ERI1: variants seen among roughly 807,000 people sequenced by gnomAD.
ERI1 encodes 3'-5' exoribonuclease 1.
Under a neutral mutation model 39.7 loss-of-function variants are expected in ERI1, and 39 were observed. That is an observed-to-expected ratio of 0.98 (90% CI 0.76 to 1.28). The LOEUF (loss-of-function observed/expected upper bound fraction) is 1.28. ERI1 is among the 50% of genes most tolerant of loss of function. The pLI is 0.00. For missense variants in ERI1, 581 were observed against 416.9 expected (o/e 1.39, Z -3.43); for synonymous variants, 204 against 149.6 (o/e 1.36, Z -2.65).
chr8:9,050,353 C>T (rs1199990195), intron 3 of ERI1, among the ~76,000 whole-genome samples: 1 of 151,920 alleles, frequency 6.6e-6, no homozygotes, highest in Admixed American at 6.6e-5. Context: ...ACTAAAAATA[C>T]AAAATTAGCT....
In ERI1 at chr8:9,020,469, A is replaced by T. The variant is rs1285706586; in HGVS notation, c.807+5A>T. The T allele has an allele frequency of 2.0e-6, 3 of 1,521,076 alleles. No individual in the cohort carries two copies. The African/African-American group carries it at 4.2e-5, about 21-fold the overall frequency. The allele number at this position is 1,521,076 out of a possible 1,614,324, so 94.2% of individuals were successfully genotyped here. ...TCATATGGAAATTTTTACAAGGTAA[A>T]ATTTCTATATTTAATAATTACGTGG... is the stretch of plus-strand genomic sequence containing the variant. On this transcript the variant is annotated splice_donor_5th_base_variant and intron_variant, in intron 6 of 6. Transcript: ENST00000250263.
chr8:9,054,459 A>G (rs1379390547), intron 3 of ERI1, among the ~76,000 whole-genome samples: 1 of 152,174 alleles, frequency 6.6e-6, no homozygotes, highest in Non-Finnish European at 1.5e-5. Context: ...TTTCCTCCCC[A>G]TCGTAAGGCT....
intron 3 of ERI1, among the ~76,000 whole-genome samples, chr8:9,064,167 G>A (rs1798793013): frequency 6.7e-6 from 1 of 150,050 alleles, no homozygotes; most frequent in Non-Finnish European, 1.5e-5. Context: ...ATCGGGGCAT[G>A]GAAATAAGGG....
chr8:9,038,985 C>T (rs1585250768), intron 3 of ERI1, among the ~76,000 whole-genome samples: 1 of 152,166 alleles, frequency 6.6e-6, no homozygotes, highest in African/African-American at 2.4e-5. Context: ...AATCATTCTT[C>T]AGCTGACAGC....
chr8:9,076,257 T>A (rs1799208999), intron 3 of ERI1, among the ~76,000 whole-genome samples: 1 of 151,748 alleles, frequency 6.6e-6, no homozygotes. Context: ...AAAAAGAAAA[T>A]CTGAAGGAAA....
intron 6 of ERI1, among the ~76,000 whole-genome samples, chr8:9,027,155 G>GTA (rs1286392681): frequency 7.3e-5 from 11 of 149,706 alleles, no homozygotes; most frequent in African/African-American, 2.7e-4. Context: ...GTGTATGTGT[G>GTA]TGTGTGTGTG....
chr8:9,038,639 C>T (rs1486820950), intron 3 of ERI1, among the ~76,000 whole-genome samples: 1 of 152,152 alleles, frequency 6.6e-6, no homozygotes, highest in Non-Finnish European at 1.5e-5. Flanking sequence ...AGCCTGTAGT[C>T]CCATCTACTT....
chr8:9,021,673 T>C (rs763684349), intron 6 of ERI1, among the ~76,000 whole-genome samples: 5 of 152,120 alleles, frequency 3.3e-5, no homozygotes, highest in Non-Finnish European at 7.4e-5. Flanking sequence ...TTATTCCTTA[T>C]AGCTTTAGTA....
intron 6 of ERI1, among the ~76,000 whole-genome samples, chr8:9,024,486 T>G (rs1818264926): frequency 6.6e-6 from 1 of 151,964 alleles, no homozygotes; most frequent in Non-Finnish European, 1.5e-5. Flanking sequence ...AGTGGTGGGG[T>G]CTCAGTTCAC....
chr8:9,009,416 G>A (rs1816426278), intron 2 of ERI1, among the ~76,000 whole-genome samples: 1 of 152,056 alleles, frequency 6.6e-6, no homozygotes, highest in African/African-American at 2.4e-5. Context: ...GGGTATTTCA[G>A]GCAAAAAAAT....
intron 3 of ERI1, among the ~76,000 whole-genome samples, chr8:9,095,938 G>C (rs558787334): frequency 6.6e-5 from 10 of 152,310 alleles, no homozygotes; most frequent in African/African-American, 2.4e-4. Context: ...TCGCCGCCTA[G>C]CTGCAGGGCA....
At chr8:9,083,229 A>C (rs1427283174) in intron 3 of ERI1, among the ~76,000 whole-genome samples, 1 of 152,152 alleles carries the variant, frequency 6.6e-6, no homozygotes, top group Non-Finnish European at 1.5e-5. Flanking sequence ...CCTTATCTTG[A>C]TCTACTTTCA....
At chr8:9,087,257 A>G (rs1230796231) in intron 3 of ERI1, among the ~76,000 whole-genome samples, 5 of 150,058 alleles carry the variant, frequency 3.3e-5, no homozygotes, top group Non-Finnish European at 3.0e-5. Context: ...TTATTTATTT[A>G]TTTTTGAGAT....
intron 3 of ERI1, among the ~76,000 whole-genome samples, chr8:9,081,427 T>C (rs749894817): frequency 1.3e-5 from 2 of 152,182 alleles, no homozygotes; most frequent in Non-Finnish European, 2.9e-5. Flanking sequence ...TCTGGTTACT[T>C]TTGTACATAC....
At chr8:9,054,992 G>A (rs917345781) in intron 3 of ERI1, among the ~76,000 whole-genome samples, 1 of 152,062 alleles carries the variant, frequency 6.6e-6, no homozygotes, top group African/African-American at 2.4e-5. Flanking sequence ...GACAAAAAGG[G>A]TATGAACTGT....
In ERI1 at chr8:9,043,798, C is replaced by T. The variant is rs1373438885; in HGVS notation, n.299+23334C>T. 3.3e-5 allele frequency among the ~76,000 whole-genome samples: 5 copies of T among 152,326 alleles called. No individual in the cohort carries two copies. In the East Asian group the frequency reaches 5.8e-4, roughly 18 times the overall value. On this transcript the variant is annotated intron_variant and non_coding_transcript_variant, in intron 3 of 3. Transcript: ENST00000518663. The stretch of plus-strand genomic sequence containing the variant: ...GAACTCCTGTGCTCAAGCCATCCTC[C>T]TACCTCAGCCTCCTGAGTAGCTGGG...
chr8:9,034,847 C>T (rs1345104610), downstream of ERI1, among the ~76,000 whole-genome samples: 3 of 152,144 alleles, frequency 2.0e-5, no homozygotes, highest in African/African-American at 7.2e-5. Flanking sequence ...AAGTTGTAAA[C>T]CCAAAGGAAA....
intron 3 of ERI1, among the ~76,000 whole-genome samples, chr8:9,096,531 G>T (rs1371232129): frequency 6.6e-6 from 1 of 152,084 alleles, no homozygotes; most frequent in East Asian, 1.9e-4. Flanking sequence ...GACTGTGAAA[G>T]GGCTCACTGT....
rs202109471 is a variant in ERI1, at chr8:9,085,868, TA to T, written n.300-30478del. Among the ~76,000 whole-genome samples the T allele has an allele frequency of 3.9e-4, 60 of 152,314 alleles. No homozygotes were observed. The East Asian group carries it at 0.011, about 29-fold the overall frequency. ...GAGACGCAGAACAGCAGGTTTTTTC[TA>T]ACTTGTTAATGGCAGTCTCCATGCT... On this transcript the variant is annotated intron_variant and non_coding_transcript_variant, in intron 3 of 3. Coordinates refer to the ERI1 transcript ENST00000518663.
Sources: allele counts gnomAD v4.1 joint callset (sites outside exome capture counted in the v4.1 genomes callset), GRCh38; gene constraint gnomAD v4.1.1; transcripts MANE v1.5; gene names NCBI Gene and HGNC (gene_info 2026-07-23, HGNC 2026-07-21).